Variants in RFX2 observed in about 807,000 individuals in gnomAD.
RFX2 encodes regulatory factor X2.
Under a neutral mutation model 87.8 loss-of-function variants are expected in RFX2, and 20 were observed. The ratio of observed to expected loss-of-function variants is 0.23; its 90% CI spans 0.16 to 0.33. The LOEUF (loss-of-function observed/expected upper bound fraction) is 0.33. RFX2 is among the 10% of genes least tolerant of loss of function. The pLI, the probability that RFX2 is intolerant of heterozygous loss-of-function variation, is 1.00. For synonymous variants in RFX2, 397 were observed against 431.3 expected, an observed-to-expected ratio of 0.92 and a Z score of 0.98; for missense variants, 767 against 1,012.3, an observed-to-expected ratio of 0.76 and a Z score of 3.29.
intron 5 of RFX2, among the ~76,000 whole-genome samples, chr19:6,037,853 A>G (rs2087045319): frequency 6.6e-6 from 1 of 152,200 alleles, no homozygotes. Flanking sequence ...ATAAACCCAC[A>G]CACATATGGC....
chr19:6,010,615 G>A lies in RFX2; in HGVS notation c.900-364C>T, dbSNP rs561475766. ...ACGACTCTAGGGACCTCCTAGGAGT[G>A]GGGTCACACAGGATTTGTCCTTTTG... On this transcript the variant is annotated intron_variant, in intron 8 of 17. Transcript: ENST00000303657. The surrounding 1 kb of genome is among the most constrained non-coding windows in gnomAD (Gnocchi z 5.0). Among the ~76,000 whole-genome samples, 2 of 152,226 alleles carry A rather than the reference G, an allele frequency of 1.3e-5. No individual in the cohort carries two copies. The highest frequency in any genetic ancestry group is 4.1e-4 in the South Asian group (2 of 4,824).
rs143608772 is a variant in RFX2, at chr19:6,047,522, G to A, written c.-8-18C>T. On this transcript the variant is annotated intron_variant, in intron 1 of 17. Coordinates refer to ENST00000303657, the MANE Select transcript of RFX2 (RefSeq NM_000635.4). The surrounding 1 kb of genome is among the most constrained non-coding windows in gnomAD (Gnocchi z 4.2). ...GCTCAGGTCTAAAGAAAGGCGGAGAGAGATTGGGTGGGCAAGGGCTGCAAG... is the reference window on the plus strand; with the variant it reads ...GCTCAGGTCTAAAGAAAGGCGGAGAAAGATTGGGTGGGCAAGGGCTGCAAG... 18 of 1,582,968 alleles carry A rather than the reference G, an allele frequency of 1.1e-5. No individual in the cohort carries two copies. In the South Asian group the frequency reaches 1.9e-4, roughly 17 times the overall value.
In RFX2 at chr19:6,056,106, C is replaced by CA. The variant is rs1267453602; in HGVS notation, c.-8-8603dup. 5.9e-5 allele frequency among the ~76,000 whole-genome samples: 9 copies of CA among 152,082 alleles called. No homozygotes were observed. Among genetic ancestry groups the CA allele is most frequent in the African/African-American group, 2.2e-4 (9 of 41,410 alleles). ...GATGGACGCATTCTGTATGATAATA[C>CA]AGTGTGCGGTTACATGGAGTCGTGA... On this transcript the variant is annotated intron_variant, in intron 1 of 17. Coordinates refer to ENST00000303657, the MANE Select transcript of RFX2 (RefSeq NM_000635.4). The surrounding 1 kb of genome is among the most constrained non-coding windows in gnomAD (Gnocchi z 4.6).
chr19:6,051,620 GAAAC>G (rs201115984), intron 1 of RFX2, among the ~76,000 whole-genome samples: 3,043 of 152,104 alleles, frequency 0.02, 91 homozygotes, highest in African/African-American at 0.068. Context: ...AAAGAACAGA[GAAAC>G]AAACAAACAA....
At chr19:6,104,278 A>C (rs2144912596) in intron 1 of RFX2, among the ~76,000 whole-genome samples, 1 of 152,234 alleles carries the variant, frequency 6.6e-6, no homozygotes, top group African/African-American at 2.4e-5. Flanking sequence ...AATTTAAAAA[A>C]AATTTTTTTG....
chr19:6,018,780 G>C (rs189928322), intron 6 of RFX2, among the ~76,000 whole-genome samples: 2 of 152,330 alleles, frequency 1.3e-5, no homozygotes, highest in African/African-American at 4.8e-5. Flanking sequence ...TCCTGCCTCT[G>C]GGGCAAGCCA....
intron 12 of RFX2, 142 bp downstream of exon 12, chr19:6,006,870 G>T: frequency 2.3e-6 from 2 of 878,220 alleles, no homozygotes; most frequent in South Asian, 1.7e-5. Context: ...GGGATCACTG[G>T]CATGAGCCAC....
chr19:6,016,580 G>T lies in RFX2; in HGVS notation c.598-309C>A, dbSNP rs949275694. Among the ~76,000 whole-genome samples, 1 of 152,004 alleles carries T rather than the reference G, an allele frequency of 6.6e-6. No homozygotes were observed. Among genetic ancestry groups the T allele is most frequent in the East Asian group, 1.9e-4 (1 of 5,170 alleles). On this transcript the variant is annotated intron_variant, in intron 6 of 17. Coordinates refer to ENST00000303657, the MANE Select transcript of RFX2 (RefSeq NM_000635.4). The surrounding 1 kb of genome is among the most constrained non-coding windows in gnomAD (Gnocchi z 5.4). ...TAGTTTTTGTATTTTTAGTAGAGAC[G>T]GGGTTTCACCATGTTGCCCAGGCTG...
rs984609975 is a variant in RFX2, at chr19:6,023,411, C to T, written c.597+2752G>A. Among the ~76,000 whole-genome samples, 3 of 152,260 alleles carry T rather than the reference C, an allele frequency of 2.0e-5. No individual in the cohort carries two copies. Among genetic ancestry groups the T allele is most frequent in the Admixed American group, 6.5e-5 (1 of 15,290 alleles). On this transcript the variant is annotated intron_variant, in intron 6 of 17. Coordinates refer to ENST00000303657, the MANE Select transcript of RFX2 (RefSeq NM_000635.4). This position sits in a 1 kb window ranked among gnomAD's most constrained non-coding sequence, Gnocchi z 4.9. ...GGACAATCGTTGCAAGGGCACGTCA[C>T]CCCGTCCATCAGCAGATCACGTGCT...
Position 6,026,276 on chromosome 19 carries a change from GGA to G in RFX2, c.523-41_523-40del. On this transcript the variant is annotated intron_variant, in intron 5 of 17. Coordinates refer to ENST00000303657, the MANE Select transcript of RFX2 (RefSeq NM_000635.4). The surrounding 1 kb of genome is among the most constrained non-coding windows in gnomAD (Gnocchi z 4.5). ...GTGCAGAAACAAAACAAAACAAAAT[GGA>G]AAAAAAAAAAAAGGAAATCAGATGG... 6.7e-7 allele frequency: 1 copy of G among 1,486,744 alleles called. No individual in the cohort carries two copies. Among genetic ancestry groups the G allele is most frequent in the Non-Finnish European group, 9.2e-7 (1 of 1,088,208 alleles). The allele number at this position is 1,486,744 out of a possible 1,614,324, so 92.1% of individuals were successfully genotyped here.
rs2086379008 is a variant in RFX2, at chr19:5,994,706, C to T, written c.*129G>A. On this transcript the variant is annotated 3_prime_UTR_variant, in exon 18 of 18. Transcript: ENST00000303657. ...CTTCTTGAACACTGACCCCGGGAGC[C>T]CCCGCTTGAGTCAAAGTAAACATCA... 1.9e-5 allele frequency: 12 copies of T among 647,064 alleles called. No individual in the cohort carries two copies. Among genetic ancestry groups the T allele is most frequent in the Non-Finnish European group, 3.0e-5 (11 of 371,058 alleles). 40.1% of individuals were successfully genotyped at this position (647,064 alleles called of 1,614,324 possible).
rs753779015 is a variant in RFX2, at chr19:6,040,204, A to G, written c.298T>C (p.Tyr100His). 2 of 1,587,438 alleles carry G rather than the reference A, an allele frequency of 1.3e-6. No homozygotes were observed. Residue 100 changes from tyrosine (Y) to histidine (H), a missense_variant, in exon 5 of 18, where the codon TAC becomes CAC. Coordinates refer to ENST00000303657, the MANE Select transcript of RFX2 (RefSeq NM_000635.4). The surrounding 1 kb of genome is among the most constrained non-coding windows in gnomAD (Gnocchi z 6.1). ...TAAGAAGCCGTGCTGCTGGGGGCGT[A>G]CATCTGAGGCTCGGGGTTGTAGGTG... Reference protein sequence around the residue: ...AYTYNPEPQMYAPSSTASYFE... With the variant: ...AYTYNPEPQMHAPSSTASYFE...
At chr19:6,042,501 T>G (rs115824332) in intron 3 of RFX2, among the ~76,000 whole-genome samples, 3,025 of 152,004 alleles carry the variant, frequency 0.02, 99 homozygotes, top group African/African-American at 0.068. Context: ...TTTCTGTTTT[T>G]TTTTTTTGTT....
intron 1 of RFX2, among the ~76,000 whole-genome samples, chr19:6,054,741 A>C (rs1331754905): frequency 3.3e-5 from 5 of 152,238 alleles, no homozygotes; most frequent in African/African-American, 1.2e-4. Flanking sequence ...AAGTTAGAAC[A>C]TGAACTTACT....
At chr19:6,076,644 G>A (rs140235287) in intron 1 of RFX2, among the ~76,000 whole-genome samples, 135 of 152,294 alleles carry the variant, frequency 8.9e-4, no homozygotes, top group African/African-American at 3.1e-3. Context: ...CCCAGCACAC[G>A]GAAAATGCCC....
In RFX2 at chr19:6,061,921, C is replaced by T. The variant is rs1165673592; in HGVS notation, c.-8-14417G>A. Among the ~76,000 whole-genome samples the T allele has an allele frequency of 5.9e-5, 9 of 152,244 alleles. No individual in the cohort carries two copies. In the East Asian group the frequency reaches 1.7e-3, roughly 29 times the overall value. On this transcript the variant is annotated intron_variant, in intron 1 of 17. Transcript: ENST00000303657. The surrounding 1 kb of genome is among the most constrained non-coding windows in gnomAD (Gnocchi z 5.2). ...ATGTCCTAGGCAGGGGCGGGAGGAT[C>T]CATTGAACCCAGGAGTTCGAGACCA...
At position 6,082,577 on chromosome 19, in the gene RFX2, C is replaced by T. The variant is rs528181960; in HGVS notation, c.-9+27816G>A. The stretch of plus-strand genomic sequence containing the variant: ...CCTCCCGTGTAGCTAGGACCACAGG[C>T]GTGCACCACCACTCTCAGCTAGTTT... On this transcript the variant is annotated intron_variant, in intron 1 of 17. Coordinates refer to ENST00000303657, the MANE Select transcript of RFX2 (RefSeq NM_000635.4). Among the ~76,000 whole-genome samples, 4 of 152,218 alleles carry T rather than the reference C, an allele frequency of 2.6e-5. No individual in the cohort carries two copies. In the South Asian group the frequency reaches 8.3e-4, roughly 32 times the overall value.
In RFX2 at chr19:6,053,503, C is replaced by T. The variant is rs1429358079; in HGVS notation, c.-8-5999G>A. Among the ~76,000 whole-genome samples, 3 of 152,266 alleles carry T rather than the reference C, an allele frequency of 2.0e-5. No homozygotes were observed. The East Asian group carries it at 5.8e-4, about 29-fold the overall frequency. On this transcript the variant is annotated intron_variant, in intron 1 of 17. Coordinates refer to ENST00000303657, the MANE Select transcript of RFX2 (RefSeq NM_000635.4). ...AAACTATGGACTTTGGGTGAAAATG[C>T]TGTGTTAATGCAGATTTCATCAACT...
At position 6,083,420 on chromosome 19, in the gene RFX2, T is replaced by A. The variant is rs966915371; in HGVS notation, c.-9+26973A>T. Among the ~76,000 whole-genome samples the A allele has an allele frequency of 5.3e-5, 8 of 152,210 alleles. No homozygotes were observed. Among genetic ancestry groups the A allele is most frequent in the African/African-American group, 1.9e-4 (8 of 41,446 alleles). On this transcript the variant is annotated intron_variant, in intron 1 of 17. Transcript: ENST00000303657. This position sits in a 1 kb window ranked among gnomAD's most constrained non-coding sequence, Gnocchi z 4.6. ...CACTGAAATTTAATTTCATATCATT[T>A]TCATGTGTCACAAAATATTTTGTCT...
Sources: allele counts gnomAD v4.1 joint callset (sites outside exome capture counted in the v4.1 genomes callset), GRCh38; gene constraint gnomAD v4.1.1; non-coding constraint Gnocchi (gnomAD v3.1); transcripts MANE v1.5; gene names NCBI Gene and HGNC (gene_info 2026-07-23, HGNC 2026-07-21).